PLCXD3: variants seen among roughly 807,000 people sequenced by gnomAD.
The protein encoded by PLCXD3 is PI-PLC X domain-containing protein 3.
PLCXD3 carries 19 observed loss-of-function variants against 25.5 expected under a neutral mutation model. The ratio of observed to expected loss-of-function variants is 0.75; its 90% CI spans 0.52 to 1.09. The LOEUF (loss-of-function observed/expected upper bound fraction) is 1.09. Among genes scored for constraint, PLCXD3 ranks in the 50% least tolerant of loss-of-function variants. PLCXD3 has a pLI of 0.00. For synonymous variants in PLCXD3, 174 were observed against 137.6 expected, an observed-to-expected ratio of 1.26 and a Z score of -1.85; for missense variants, 411 against 388.1, an observed-to-expected ratio of 1.06 and a Z score of -0.50.
At position 41,440,215 on chromosome 5, in the gene PLCXD3, A is replaced by ATTTTTTTTT. The variant is rs70988846; in HGVS notation, c.104-57690_104-57682dup. On this transcript the variant is annotated intron_variant, in intron 1 of 2. Coordinates refer to ENST00000377801, the MANE Select transcript of PLCXD3 (RefSeq NM_001005473.3). ...TCTGAGCAAATTACATAATCTCTCA[A>ATTTTTTTTT]TTTTTTTTTTTTTTTTTTTTTTTTT... Among the ~76,000 whole-genome samples the ATTTTTTTTT allele has an allele frequency of 8.3e-4, 34 of 41,080 alleles. 5 individuals are homozygous for ATTTTTTTTT. The highest frequency in any genetic ancestry group is 1.7e-3 in the African/African-American group (16 of 9,610). The allele number at this position is 41,080 out of a possible 152,430, so 27.0% of individuals were successfully genotyped here.
intron 1 of PLCXD3, among the ~76,000 whole-genome samples, chr5:41,487,741 G>C (rs1425084198): frequency 6.6e-6 from 1 of 152,078 alleles, no homozygotes; most frequent in Non-Finnish European, 1.5e-5. Flanking sequence ...ATGATCTGGA[G>C]GAAGATGCCA....
intron 1 of PLCXD3, 23 bp from the exon 2 acceptor site, chr5:41,382,557 T>G: frequency 1.3e-6 from 2 of 1,536,062 alleles, no homozygotes; most frequent in South Asian, 2.4e-5. Flanking sequence ...CAAGGCATAG[T>G]GTGGTTAATT....
intron 1 of PLCXD3, among the ~76,000 whole-genome samples, chr5:41,484,245 G>GCA (rs751404561): frequency 0.01 from 1,296 of 124,456 alleles, 18 homozygotes; most frequent in South Asian, 0.09. Context: ...CCTGGAACAT[G>GCA]CACACACACA....
chr5:41,500,165 A>C (rs944448593), intron 1 of PLCXD3, among the ~76,000 whole-genome samples: 5 of 151,892 alleles, frequency 3.3e-5, no homozygotes, highest in Admixed American at 6.6e-5. Flanking sequence ...ATGGAATCAA[A>C]CTTAGTGCCC....
chr5:41,459,790 A>G (rs1315836372), intron 1 of PLCXD3, among the ~76,000 whole-genome samples: 1 of 151,918 alleles, frequency 6.6e-6, no homozygotes, highest in Non-Finnish European at 1.5e-5. Flanking sequence ...TCAGATTTAT[A>G]TCACTTCTTG....
At chr5:41,324,163 T>C (rs891914284) in intron 2 of PLCXD3, among the ~76,000 whole-genome samples, 1 of 152,058 alleles carries the variant, frequency 6.6e-6, no homozygotes, top group South Asian at 2.1e-4. Flanking sequence ...CAGAAGTAGA[T>C]GCAGAAGTAG....
chr5:41,429,480 G>T (rs1747041710), intron 1 of PLCXD3, among the ~76,000 whole-genome samples: 1 of 152,120 alleles, frequency 6.6e-6, no homozygotes. Flanking sequence ...CAATTGAGTT[G>T]CAAAGATTGA....
intron 2 of PLCXD3, among the ~76,000 whole-genome samples, chr5:41,320,883 A>G (rs1743448884): frequency 6.6e-6 from 1 of 152,246 alleles, no homozygotes; most frequent in Non-Finnish European, 1.5e-5. Flanking sequence ...AAAGCATTTG[A>G]TAGAAGTCAA....
rs144877957 is a variant in PLCXD3, at chr5:41,309,454, A to G, written c.*4163T>C. 6.2e-3 allele frequency: 940 copies of G among 152,648 alleles called. 3 individuals are homozygous for G. The highest frequency in any genetic ancestry group is 9.9e-3 in the South Asian group (48 of 4,830). The allele number at this position is 152,648 out of a possible 1,614,324, so 9.5% of individuals were successfully genotyped here. A position where few individuals can be genotyped will look rare whatever the true frequency, so the allele number is the denominator to read the frequency against. ...AAACCTTGTTTAGCATATCCTGAGG[A>G]CACTGTGCATTATTTTCTATTAGCA... On this transcript the variant is annotated 3_prime_UTR_variant, in exon 3 of 3. Coordinates refer to ENST00000377801, the MANE Select transcript of PLCXD3 (RefSeq NM_001005473.3).
chr5:41,432,812 C>T (rs934688265), intron 1 of PLCXD3, among the ~76,000 whole-genome samples: 14 of 152,194 alleles, frequency 9.2e-5, no homozygotes, highest in African/African-American at 3.4e-4. Context: ...CCATTCTTGA[C>T]AGGTTTTCTG....
At chr5:41,449,866 A>G (rs974340208) in intron 1 of PLCXD3, among the ~76,000 whole-genome samples, 5 of 152,166 alleles carry the variant, frequency 3.3e-5, no homozygotes, top group Non-Finnish European at 5.9e-5. Flanking sequence ...TATAAGCAGT[A>G]CACTAATAGT....
intron 1 of PLCXD3, among the ~76,000 whole-genome samples, chr5:41,502,505 G>T (rs949400694): frequency 6.6e-6 from 1 of 152,060 alleles, no homozygotes; most frequent in Non-Finnish European, 1.5e-5. Context: ...AAGATGTGAT[G>T]TAATCAGTAC....
chr5:41,449,944 G>A (rs1747589681), intron 1 of PLCXD3, among the ~76,000 whole-genome samples: 1 of 152,098 alleles, frequency 6.6e-6, no homozygotes, highest in Admixed American at 6.6e-5. Flanking sequence ...GGTAGATGGG[G>A]AGGTATACTG....
At chr5:41,394,430 G>A (rs1034732465) in intron 1 of PLCXD3, among the ~76,000 whole-genome samples, 6 of 152,020 alleles carry the variant, frequency 3.9e-5, no homozygotes, top group African/African-American at 1.2e-4. Context: ...CAATCAGAAA[G>A]CAAATAATAA....
At chr5:41,334,120 A>C (rs1316358972) in intron 2 of PLCXD3, among the ~76,000 whole-genome samples, 1 of 152,210 alleles carries the variant, frequency 6.6e-6, no homozygotes, top group Non-Finnish European at 1.5e-5. Flanking sequence ...CAATCACATC[A>C]ACTGAATTGA....
chr5:41,324,737 T>G (rs1369366750), intron 2 of PLCXD3, among the ~76,000 whole-genome samples: 1 of 152,200 alleles, frequency 6.6e-6, no homozygotes, highest in Admixed American at 6.5e-5. Flanking sequence ...CTGCTGTGCC[T>G]GTCGCATCAC....
At chr5:41,452,988 T>G (rs1482774249) in intron 1 of PLCXD3, among the ~76,000 whole-genome samples, 1 of 152,016 alleles carries the variant, frequency 6.6e-6, no homozygotes, top group African/African-American at 2.4e-5. Flanking sequence ...TATTCATATT[T>G]CACATATTTG....
chr5:41,498,480 A>G (rs1469418978), intron 1 of PLCXD3, among the ~76,000 whole-genome samples: 5 of 151,722 alleles, frequency 3.3e-5, no homozygotes, highest in African/African-American at 1.2e-4. Context: ...AGGAAATAGA[A>G]AATGTGAACA....
At chr5:41,370,384 A>G (rs556177815) in intron 2 of PLCXD3, among the ~76,000 whole-genome samples, 2 of 152,278 alleles carry the variant, frequency 1.3e-5, no homozygotes, top group East Asian at 3.9e-4. Context: ...AGAAAATTTT[A>G]TAGTTTTAAC....
Sources: gnomAD v4.1 joint callset for allele counts (sites outside exome capture counted in the v4.1 genomes callset) on GRCh38, gnomAD v4.1.1 for gene constraint, MANE v1.5 for transcripts, NCBI Gene and HGNC (gene_info 2026-07-23, HGNC 2026-07-21) for gene names.